The following FSTL5 variants were observed in gnomAD, a reference collection of about 807,000 sequenced individuals.
The protein encoded by FSTL5 is follistatin-related protein 5.
A neutral mutation model predicts 89.1 loss-of-function variants in FSTL5; 62 were observed. The ratio of observed to expected loss-of-function variants is 0.70; its 90% CI spans 0.57 to 0.86. The LOEUF is 0.86. Among genes scored for constraint, FSTL5 ranks in the 40% least tolerant of loss-of-function variants. FSTL5 has a pLI of 0.00. For synonymous variants in FSTL5, 383 were observed against 346.2 expected (o/e 1.11, Z -1.18); for missense variants, 1,057 against 1,001.6 (o/e 1.06, Z -0.75).
intron 6 of FSTL5, among the ~76,000 whole-genome samples, chr4:161,681,340 C>A (rs577761393): frequency 1.3e-5 from 2 of 151,952 alleles, no homozygotes; most frequent in African/African-American, 4.8e-5. Context: ...AATTAGGAAA[C>A]AAGTTAACAG....
At chr4:161,495,322 C>T (rs1730029238) in intron 12 of FSTL5, 1 of 152,086 alleles carries the variant, frequency 6.6e-6, no homozygotes, top group South Asian at 2.1e-4. Flanking sequence ...AGAAGAGTGA[C>T]AAAGTTGGTA....
intron 3 of FSTL5, among the ~76,000 whole-genome samples, chr4:162,032,915 G>A (rs62329626): frequency 2.6e-5 from 4 of 152,102 alleles, no homozygotes; most frequent in Non-Finnish European, 5.9e-5. Flanking sequence ...CTTTGGGAAG[G>A]GAAAGGTGAG....
intron 15 of FSTL5, among the ~76,000 whole-genome samples, chr4:161,448,644 C>T (rs188586145): frequency 5.9e-5 from 9 of 152,262 alleles, no homozygotes; most frequent in African/African-American, 1.9e-4. Context: ...ACTGCCGGAG[C>T]GGTGTCCGCT....
chr4:162,036,827 T>C (rs999925554), intron 2 of FSTL5, among the ~76,000 whole-genome samples: 14 of 151,952 alleles, frequency 9.2e-5, no homozygotes, highest in African/African-American at 2.7e-4. Flanking sequence ...TCATTGACTT[T>C]AGATAAAACG....
chr4:162,018,588 A>G (rs1033738819), intron 3 of FSTL5, among the ~76,000 whole-genome samples: 33 of 152,134 alleles, frequency 2.2e-4, no homozygotes, highest in Middle Eastern at 3.4e-3. Context: ...CCTACTTGTC[A>G]TAACTTTTTT....
chr4:161,516,676 T>G (rs1730846185), intron 10 of FSTL5, among the ~76,000 whole-genome samples: 1 of 142,600 alleles, frequency 7.0e-6, no homozygotes, highest in African/African-American at 2.6e-5. Flanking sequence ...ACACACTAAG[T>G]ATATATGTAT....
chr4:161,545,878 CT>C (rs1209329852), intron 8 of FSTL5, among the ~76,000 whole-genome samples: 3 of 151,836 alleles, frequency 2.0e-5, no homozygotes, highest in Non-Finnish European at 4.4e-5. Context: ...TATCTCAAGG[CT>C]TTCCTTAAGA....
intron 4 of FSTL5, among the ~76,000 whole-genome samples, chr4:161,915,259 C>A (rs1166878188): frequency 6.6e-6 from 1 of 151,762 alleles, no homozygotes; most frequent in Non-Finnish European, 1.5e-5. Flanking sequence ...TATCACTAGT[C>A]CTGCTGGCAT....
At chr4:161,873,035 T>C (rs1732325787) in intron 4 of FSTL5, among the ~76,000 whole-genome samples, 1 of 152,096 alleles carries the variant, frequency 6.6e-6, no homozygotes, top group South Asian at 2.1e-4. Flanking sequence ...TAGAAAAAAG[T>C]TGGGGCTAGA....
intron 7 of FSTL5, among the ~76,000 whole-genome samples, chr4:161,649,778 G>C (rs1402959748): frequency 6.6e-6 from 1 of 152,126 alleles, no homozygotes. Context: ...GCATGCCAGA[G>C]ATCTATAAAT....
At chr4:161,639,347 A>G (rs572912586) in intron 7 of FSTL5, among the ~76,000 whole-genome samples, 19 of 152,318 alleles carry the variant, frequency 1.2e-4, no homozygotes, top group Admixed American at 2.0e-4. Flanking sequence ...TAAGCTACCT[A>G]TCCTTCCCAT....
intron 13 of FSTL5, among the ~76,000 whole-genome samples, chr4:161,477,749 T>A (rs2126447636): frequency 6.6e-6 from 1 of 152,138 alleles, no homozygotes; most frequent in South Asian, 2.1e-4. Context: ...AGATATATTT[T>A]GGCTTTTTCA....
rs571374950 is a variant in FSTL5 at position 161,478,303 on chromosome 4, T to C, written c.1608+2717A>G. Among the ~76,000 whole-genome samples the C allele has an allele frequency of 1.2e-4, 18 of 152,274 alleles. No individual in the cohort carries two copies. The South Asian group carries it at 3.3e-3, about 28-fold the overall frequency. ...TCATCACTAACACCAAATTACTGAA[T>C]ACTGATTTCATAAAGGAAGTGAAAA... On this transcript the variant is annotated intron_variant, in intron 13 of 15. Coordinates refer to ENST00000306100, the MANE Select transcript of FSTL5 (RefSeq NM_020116.5).
chr4:161,889,233 T>C (rs1579170785), intron 4 of FSTL5, among the ~76,000 whole-genome samples: 1 of 152,202 alleles, frequency 6.6e-6, no homozygotes, highest in African/African-American at 2.4e-5. Context: ...TATTTAGTTT[T>C]GTTTAATGAT....
intron 5 of FSTL5, among the ~76,000 whole-genome samples, chr4:161,773,656 C>T (rs1053031582): frequency 6.6e-6 from 1 of 152,090 alleles, no homozygotes; most frequent in Non-Finnish European, 1.5e-5. Context: ...CCACCTTACT[C>T]CTGCAAAAAT....
intron 4 of FSTL5, among the ~76,000 whole-genome samples, chr4:161,904,777 C>A (rs1381343557): frequency 6.6e-6 from 1 of 151,730 alleles, no homozygotes; most frequent in African/African-American, 2.4e-5. Flanking sequence ...ATAATAAAAT[C>A]ATTGATTCCT....
chr4:161,444,272 T>C (rs964382313), intron 15 of FSTL5, among the ~76,000 whole-genome samples: 2 of 151,882 alleles, frequency 1.3e-5, no homozygotes, highest in Non-Finnish European at 2.9e-5. Context: ...CTTTATGAAG[T>C]TGGACATGAG....
chr4:161,938,578 T>A (rs1259165284), intron 3 of FSTL5, among the ~76,000 whole-genome samples: 1 of 152,064 alleles, frequency 6.6e-6, no homozygotes, highest in Non-Finnish European at 1.5e-5. Flanking sequence ...CTTTTTTGTA[T>A]GATGGTTAAT....
intron 1 of FSTL5, among the ~76,000 whole-genome samples, chr4:162,115,883 G>T (rs1731618810): frequency 6.6e-6 from 1 of 152,094 alleles, no homozygotes; most frequent in South Asian, 2.1e-4. Flanking sequence ...GAGGGATTTT[G>T]ATATGTTTAC....
Sources: allele counts gnomAD v4.1 joint callset (sites outside exome capture counted in the v4.1 genomes callset), GRCh38; gene constraint gnomAD v4.1.1; transcripts MANE v1.5; gene names NCBI Gene and HGNC (gene_info 2026-07-23, HGNC 2026-07-21).